TIMMDC1: variants seen among roughly 807,000 people sequenced by gnomAD.
TIMMDC1 encodes translocase of inner mitochondrial membrane domain containing 1.
Under a neutral mutation model 32.6 loss-of-function variants are expected in TIMMDC1, and 25 were observed. The observed-to-expected ratio is 0.77, with a 90% CI of 0.56 to 1.07. The LOEUF is 1.07. TIMMDC1 is among the 50% of genes least tolerant of loss of function. The pLI, the probability that TIMMDC1 is intolerant of heterozygous loss-of-function variation, is 0.00. For missense variants in TIMMDC1, 329 were observed against 349.2 expected (o/e 0.94, Z 0.46); for synonymous variants, 130 against 127.6 (o/e 1.02, Z -0.13).
chr3:119,499,004 C>G, intron 1 of TIMMDC1, 77 bp downstream of exon 1: 2 of 1,239,990 alleles, frequency 1.6e-6, no homozygotes, highest in Non-Finnish European at 2.3e-6. Flanking sequence ...CCTGGGTCAG[C>G]CTTAGGACAC....
intron 2 of TIMMDC1, among the ~76,000 whole-genome samples, chr3:119,502,959 T>G (rs1160717561): frequency 6.6e-6 from 1 of 152,240 alleles, no homozygotes; most frequent in Non-Finnish European, 1.5e-5. Flanking sequence ...ATTTATTGGT[T>G]AGTATTATGC....
intron 6 of TIMMDC1, among the ~76,000 whole-genome samples, chr3:119,520,602 C>G (rs1193509488): frequency 6.6e-6 from 1 of 152,050 alleles, no homozygotes; most frequent in Non-Finnish European, 1.5e-5. Context: ...AAAAAGTCTC[C>G]CAACAAAGAA....
intron 6 of TIMMDC1, among the ~76,000 whole-genome samples, chr3:119,522,914 A>T (rs534145649): frequency 6.6e-6 from 1 of 152,164 alleles, no homozygotes; most frequent in African/African-American, 2.4e-5. Flanking sequence ...TAATACAGGA[A>T]AATCAAACAA....
At chr3:119,499,983 GC>G (rs1436631507) in intron 1 of TIMMDC1, among the ~76,000 whole-genome samples, 13 of 152,094 alleles carry the variant, frequency 8.5e-5, no homozygotes, top group African/African-American at 2.4e-4. Flanking sequence ...TTGCTATGTT[GC>G]TATGCTGGAT....
Position 119,503,529 on chromosome 3 carries a change from T to C in TIMMDC1, c.361-3T>C, listed in dbSNP as rs367974012. 5.6e-6 allele frequency: 9 copies of C among 1,599,946 alleles called. No individual in the cohort carries two copies. Among genetic ancestry groups the C allele is most frequent in the South Asian group, 2.3e-5 (2 of 87,956 alleles). ...AACCTCACAGTTTTTTAATTAACTT[T>C]AGCAATCTGCACATCGTGCTGCCAC... On this transcript the variant is annotated splice_polypyrimidine_tract_variant and splice_region_variant and intron_variant, in intron 2 of 6. Coordinates refer to ENST00000494664, the MANE Select transcript of TIMMDC1 (RefSeq NM_016589.4).
intron 4 of TIMMDC1, among the ~76,000 whole-genome samples, chr3:119,508,467 T>G (rs971461241): frequency 2.0e-5 from 3 of 152,362 alleles, no homozygotes; most frequent in Middle Eastern, 6.8e-3. Flanking sequence ...TTGTTTAGCT[T>G]TTTACTTGTT....
intron 1 of TIMMDC1, chr3:119,500,354 C>T (rs1560044544): frequency 1.1e-5 from 2 of 177,704 alleles, no homozygotes; most frequent in African/African-American, 4.7e-5. Context: ...AAAAATGTGC[C>T]TAAGTATACT....
intron 1 of TIMMDC1, 165 bp downstream of exon 1, chr3:119,499,092 CTTTT>C (rs11317621): frequency 5.2e-3 from 2,092 of 399,798 alleles, no homozygotes; most frequent in Middle Eastern, 7.9e-3. Context: ...TTTTTTCTTT[CTTTT>C]TTTTTTTTTT....
chr3:119,517,262 G>A lies in TIMMDC1; in HGVS notation c.654G>A (p.Gln218=). 6.2e-7 allele frequency: 1 copy of A among 1,613,796 alleles called. No individual in the cohort carries two copies. Among genetic ancestry groups the A allele is most frequent in the Non-Finnish European group, 8.5e-7 (1 of 1,179,808 alleles). ...AFQKYSGETV[Q]ERKQKDRKAL... is the part of the protein sequence containing the mutation. ...AGAAGTACTCTGGTGAGACTGTTCA[G>A]GAAAGAAAACAGAAGGATCGAAAGG... is the stretch of plus-strand genomic sequence containing the variant. The change falls in exon 6 of 7, where the codon CAG becomes CAA. Residue 218 remains glutamine, a synonymous_variant. Coordinates refer to ENST00000494664, the MANE Select transcript of TIMMDC1 (RefSeq NM_016589.4).
At chr3:119,500,994 A>C (rs1205125537) in intron 2 of TIMMDC1, 134 bp downstream of exon 2, 1 of 813,538 alleles carries the variant, frequency 1.2e-6, no homozygotes, top group Admixed American at 3.0e-5. Context: ...GTCTGTACTT[A>C]ATAACAGTGG....
intron 1 of TIMMDC1, 107 bp downstream of exon 1, chr3:119,499,034 T>A (rs2081847260): frequency 2.4e-6 from 2 of 829,196 alleles, no homozygotes; most frequent in Non-Finnish European, 3.9e-6. Flanking sequence ...TGTGCTTCAT[T>A]TTTAGATTAT....
At chr3:119,512,831 C>G (rs2081963137) in intron 4 of TIMMDC1, among the ~76,000 whole-genome samples, 1 of 152,148 alleles carries the variant, frequency 6.6e-6, no homozygotes. Flanking sequence ...GCCTCCGCCT[C>G]TGGGGTTCAA....
chr3:119,505,180 A>T (rs1008897960), intron 4 of TIMMDC1, among the ~76,000 whole-genome samples: 7 of 152,136 alleles, frequency 4.6e-5, no homozygotes, highest in African/African-American at 1.7e-4. Flanking sequence ...ATTCCCCAAT[A>T]TATACATACT....
chr3:119,521,093 TA>T (rs2082023730), intron 6 of TIMMDC1, among the ~76,000 whole-genome samples: 2 of 152,092 alleles, frequency 1.3e-5, no homozygotes, highest in Non-Finnish European at 2.9e-5. Flanking sequence ...CTCAGTACAG[TA>T]AAGGCCATAT....
intron 6 of TIMMDC1, among the ~76,000 whole-genome samples, chr3:119,518,336 T>C (rs1253372942): frequency 2.6e-5 from 4 of 152,094 alleles, no homozygotes; most frequent in African/African-American, 7.2e-5. Flanking sequence ...GGTATTATAA[T>C]TGGATAGATG....
At chr3:119,505,354 C>T (rs2081911129) in intron 4 of TIMMDC1, among the ~76,000 whole-genome samples, 1 of 151,758 alleles carries the variant, frequency 6.6e-6, no homozygotes. Context: ...GTATTCTGAA[C>T]ATAAGTTTGT....
In TIMMDC1 at chr3:119,524,154, G is replaced by C. The variant is rs1464776098; in HGVS notation, c.*398G>C. 2 of 154,610 alleles carry C rather than the reference G, an allele frequency of 1.3e-5. No homozygotes were observed. Among genetic ancestry groups the C allele is most frequent in the Non-Finnish European group, 2.9e-5 (2 of 69,574 alleles). The allele number at this position is 154,610 out of a possible 1,614,324, so 9.6% of individuals were successfully genotyped here. A position where few individuals can be genotyped will look rare whatever the true frequency, so the allele number is the denominator to read the frequency against. On this transcript the variant is annotated 3_prime_UTR_variant, in exon 7 of 7. Transcript: ENST00000494664. ...AAAGAGGAGAGGAAAGAACCAGGTA[G>C]GCAAATGGTCTGTGAAACCCTTGGG...
intron 1 of TIMMDC1, 143 bp from the exon 2 acceptor site, chr3:119,500,552 G>A (rs898747320): frequency 6.0e-5 from 42 of 703,418 alleles, no homozygotes; most frequent in Non-Finnish European, 9.2e-5. Context: ...TAATATAACT[G>A]AACTGTTTAA....
chr3:119,522,606 T>C (rs550688882), intron 6 of TIMMDC1, among the ~76,000 whole-genome samples: 1 of 152,312 alleles, frequency 6.6e-6, no homozygotes, highest in East Asian at 1.9e-4. Flanking sequence ...TTTGAGGTGA[T>C]GCATATGCTA....
Sources: allele counts gnomAD v4.1 joint callset (sites outside exome capture counted in the v4.1 genomes callset), GRCh38; gene constraint gnomAD v4.1.1; transcripts MANE v1.5; gene names NCBI Gene and HGNC (gene_info 2026-07-23, HGNC 2026-07-21).